ANK1: variants seen among roughly 807,000 people sequenced by gnomAD.
The protein encoded by ANK1 is ankyrin 1, also known as ankyrin-1.
In ANK1, 51 loss-of-function variants were observed where a neutral mutation model predicts 210.4. The observed-to-expected ratio is 0.24, with a 90% confidence interval of 0.19 to 0.31. The LOEUF is 0.31. Ranked by LOEUF, ANK1 falls within the 10% of genes least tolerant of loss-of-function variation. The pLI is 1.00. For missense variants in ANK1, 2,051 were observed against 2,504.4 expected (o/e 0.82, Z 3.86); for synonymous variants, 967 against 1,025.9 (o/e 0.94, Z 1.10).
chr8:41,707,513 C>T (rs959211910), intron 17 of ANK1, among the ~76,000 whole-genome samples: 8 of 152,160 alleles, frequency 5.3e-5, no homozygotes, highest in South Asian at 2.1e-4. Context: ...TGCAGGCAGG[C>T]GGGGGTGGCT....
At chr8:41,709,136 A>AC in intron 16 of ANK1, among the ~76,000 whole-genome samples, 161 bp from the exon 17 acceptor site, 1 of 150,506 alleles carries the variant, frequency 6.6e-6, no homozygotes, top group Non-Finnish European at 1.5e-5. Context: ...AAACAAACAA[A>AC]ATCCATTTGA....
chr8:41,808,199 A>G (rs1202310223), intron 1 of ANK1, among the ~76,000 whole-genome samples: 1 of 152,144 alleles, frequency 6.6e-6, no homozygotes, highest in Non-Finnish European at 1.5e-5. Context: ...CTGGCCCACC[A>G]TTGCAGACCC....
Position 41,668,126 on chromosome 8 carries a change from A to G in ANK1, c.5394+141T>C. The G allele has an allele frequency of 4.8e-6, 6 of 1,249,320 alleles. No individual in the cohort carries two copies. The South Asian group carries it at 7.7e-5, about 16-fold the overall frequency. The allele number at this position is 1,249,320 out of a possible 1,614,324, so 77.4% of individuals were successfully genotyped here. On this transcript the variant is annotated intron_variant, in intron 39 of 42. Transcript: ENST00000289734. ...CAGGCCTTGCCCTTGACTTCTAGAG[A>G]AACGGAAGCACCACCACAAGTGTTA... is the stretch of plus-strand genomic sequence containing the variant.
chr8:41,776,282 C>T (rs1018795160), intron 1 of ANK1, among the ~76,000 whole-genome samples: 1 of 152,170 alleles, frequency 6.6e-6, no homozygotes. Flanking sequence ...AAATGCCAGC[C>T]ACCAATCACT....
At chr8:41,689,926 C>T (rs545585292) in intron 33 of ANK1, among the ~76,000 whole-genome samples, 62 of 152,312 alleles carry the variant, frequency 4.1e-4, no homozygotes, top group Admixed American at 6.5e-4. Context: ...GTCACTTTCA[C>T]ACCTAGGGAG....
chr8:41,836,842 C>T (rs980265093), intron 1 of ANK1, among the ~76,000 whole-genome samples: 3 of 151,622 alleles, frequency 2.0e-5, no homozygotes, highest in African/African-American at 7.3e-5. Flanking sequence ...ATCACTTGAG[C>T]CCAGGAGTGG....
intron 9 of ANK1, among the ~76,000 whole-genome samples, chr8:41,720,399 T>C (rs755753230): frequency 6.6e-6 from 1 of 152,176 alleles, no homozygotes; most frequent in Non-Finnish European, 1.5e-5. Flanking sequence ...CTCTGTTCCT[T>C]GTCCCTATCA....
chr8:41,739,767 T>C (rs533268854), intron 2 of ANK1, among the ~76,000 whole-genome samples: 4 of 152,286 alleles, frequency 2.6e-5, no homozygotes, highest in African/African-American at 7.2e-5. Flanking sequence ...AGACTGCGGT[T>C]ATCTTGAACT....
rs1811227039 is a variant in ANK1 at position 41,668,399 on chromosome 8, C to T, written c.5262G>A (p.Leu1754=). 6.2e-7 allele frequency: 1 copy of T among 1,614,112 alleles called. No individual in the cohort carries two copies. Among genetic ancestry groups the T allele is most frequent in the Non-Finnish European group, 8.5e-7 (1 of 1,180,052 alleles). Reference sequence around the variant, plus strand: ...TCCACGTGTGCTCACTTACAGACACCAGGACCTTCTCGTACTCCTGAGATC... The same window carrying T: ...TCCACGTGTGCTCACTTACAGACACTAGGACCTTCTCGTACTCCTGAGATC... The part of the protein sequence containing the change: ...PGGSQEYEKV[L]VSVSEHTWTE... Residue 1754 remains leucine, a synonymous_variant, in exon 39 of 43, where the codon CTG becomes CTA. Coordinates refer to ENST00000289734, the MANE Select transcript of ANK1 (RefSeq NM_000037.4).
intron 1 of ANK1, among the ~76,000 whole-genome samples, chr8:41,771,944 T>A (rs1843049213): frequency 6.6e-6 from 1 of 152,034 alleles, no homozygotes; most frequent in East Asian, 1.9e-4. Context: ...CAGCAAAGAA[T>A]CCCATGCGAG....
intron 1 of ANK1, among the ~76,000 whole-genome samples, chr8:41,868,286 G>T (rs943347755): frequency 2.6e-5 from 4 of 152,226 alleles, no homozygotes; most frequent in African/African-American, 7.2e-5. Flanking sequence ...AAATTGAAGG[G>T]TGTTCGGTAT....
intron 1 of ANK1, among the ~76,000 whole-genome samples, chr8:41,794,044 G>T (rs1163291241): frequency 1.3e-5 from 2 of 152,186 alleles, no homozygotes; most frequent in African/African-American, 2.4e-5. Context: ...ACTATATCAG[G>T]TGGTTTAATT....
chr8:41,712,086 G>A (rs761793337), intron 16 of ANK1, among the ~76,000 whole-genome samples: 80 of 152,056 alleles, frequency 5.3e-4, no homozygotes, highest in Non-Finnish European at 1.1e-3. Flanking sequence ...TGCCATGCCC[G>A]GCTAATTTTT....
intron 1 of ANK1, among the ~76,000 whole-genome samples, chr8:41,836,751 A>T (rs1282047964): frequency 6.6e-6 from 1 of 151,032 alleles, no homozygotes; most frequent in African/African-American, 2.5e-5. Flanking sequence ...TGTCTCTATA[A>T]AAAAAAAATT....
At chr8:41,791,591 C>T (rs998682436) in intron 1 of ANK1, among the ~76,000 whole-genome samples, 2 of 152,106 alleles carry the variant, frequency 1.3e-5, no homozygotes, top group African/African-American at 4.8e-5. Flanking sequence ...GCCACCATGC[C>T]CAGCTGATTT....
chr8:41,694,070 C>G lies in ANK1; in HGVS notation c.3360G>C (p.Lys1120Asn). The G allele has an allele frequency of 1.2e-6, 2 of 1,613,994 alleles. No individual in the cohort carries two copies. The highest frequency in any genetic ancestry group is 1.7e-6 in the Non-Finnish European group (2 of 1,179,936). The change falls in exon 29 of 43, where the codon AAG becomes AAC. Residue 1120 changes from lysine to asparagine, a missense_variant. Physicochemically the swap from Lys to Asn is moderately conservative, Grantham distance 94. Around this residue, in one of 6 missense-constraint regions of ANK1, gnomAD observed 1,413 missense variants for 1,707.4 expected, o/e 0.83. Transcript: ENST00000289734. The surrounding 1 kb of genome is among the most constrained non-coding windows in gnomAD (Gnocchi z 5.7). ...AQPVPDELVT[K>N]LLGNQATFSP... ...TGAATGTGGCCTGGTTGCCCAGGAG[C>G]TTAGTGACAAGCTCATCCGGGACAG... is the stretch of plus-strand genomic sequence containing the variant.
chr8:41,661,873 C>A lies in ANK1; in HGVS notation c.5544+3G>T. ...GATCCTCCAGGGGCCCCTCTACAGTCACCTCCTCGTGCTCCTGGGCGGCAT... is the reference window on the plus strand; with the variant it reads ...GATCCTCCAGGGGCCCCTCTACAGTAACCTCCTCGTGCTCCTGGGCGGCAT... On this transcript the variant is annotated splice_donor_region_variant and intron_variant, in intron 41 of 42. Coordinates refer to ENST00000289734, the MANE Select transcript of ANK1 (RefSeq NM_000037.4). 2 of 1,614,140 alleles carry A rather than the reference C, an allele frequency of 1.2e-6. No individual in the cohort carries two copies. The highest frequency in any genetic ancestry group is 2.2e-5 in the South Asian group (2 of 91,086).
intron 21 of ANK1, among the ~76,000 whole-genome samples, 163 bp downstream of exon 21, chr8:41,701,889 A>G (rs999251620): frequency 5.9e-5 from 9 of 152,178 alleles, no homozygotes; most frequent in Non-Finnish European, 1.2e-4. Context: ...AGGTGGCAGC[A>G]CAGCCCCGCT....
At chr8:41,799,162 TTTGTTG>T (rs534992721), upstream of ANK1, among the ~76,000 whole-genome samples, 20 of 152,050 alleles carry the variant, frequency 1.3e-4, no homozygotes, top group Admixed American at 7.2e-4. Flanking sequence ...ACAATGGCTG[TTTGTTG>T]TTGTTGTTGT....
Sources: allele counts gnomAD v4.1 joint callset (sites outside exome capture counted in the v4.1 genomes callset), GRCh38; gene constraint gnomAD v4.1.1; regional missense constraint gnomAD v4.1.1; non-coding constraint Gnocchi (gnomAD v3.1); transcripts MANE v1.5; gene names NCBI Gene and HGNC (gene_info 2026-07-23, HGNC 2026-07-21).